LARS1: variants seen among roughly 807,000 people sequenced by gnomAD.
LARS1 encodes leucyl-tRNA synthetase 1.
LARS1 carries 100 observed loss-of-function variants against 162.8 expected under a neutral mutation model. That is an observed-to-expected ratio of 0.61 (90% CI 0.52 to 0.73). The LOEUF is 0.73. Ranked by LOEUF, LARS1 falls within the 30% of genes least tolerant of loss-of-function variation. The probability of loss-of-function intolerance (pLI) is 0.00; values close to 1 mark genes in which losing one functional copy is unlikely to be tolerated. For missense variants in LARS1, 1,258 were observed against 1,408.9 expected, an observed-to-expected ratio of 0.89 and a Z score of 1.71; for synonymous variants, 457 against 462.8, an observed-to-expected ratio of 0.99 and a Z score of 0.16.
chr5:146,153,690 G>A (rs932411867), intron 12 of LARS1, 44 bp downstream of exon 12: 4 of 1,492,146 alleles, frequency 2.7e-6, no homozygotes, highest in Non-Finnish European at 3.7e-6. Flanking sequence ...CCTAAGCAAT[G>A]AGATGGTGAG....
intron 18 of LARS1, among the ~76,000 whole-genome samples, chr5:146,143,795 T>A (rs987658460): frequency 6.6e-6 from 1 of 151,754 alleles, no homozygotes; most frequent in Non-Finnish European, 1.5e-5. Context: ...GGTCGGGAGT[T>A]CAAGACCAAA....
intron 10 of LARS1, among the ~76,000 whole-genome samples, chr5:146,156,003 A>C (rs1057191476): frequency 1.3e-5 from 2 of 152,248 alleles, no homozygotes; most frequent in African/African-American, 4.8e-5. Context: ...AAGAATAAAG[A>C]AGCTGTTTAT....
chr5:146,168,862 A>G (rs912792567), intron 4 of LARS1, among the ~76,000 whole-genome samples: 24 of 152,100 alleles, frequency 1.6e-4, no homozygotes, highest in African/African-American at 5.1e-4. Context: ...TGTAGGAAAC[A>G]TAATGTGTTA....
intron 14 of LARS1, 113 bp from the exon 15 acceptor site, chr5:146,149,812 G>C: frequency 1.4e-6 from 1 of 730,322 alleles, no homozygotes; most frequent in African/African-American, 1.8e-5. Context: ...AATATTTTTA[G>C]TATGAAATTT....
rs757067381 is a variant in LARS1, at chr5:146,144,319, T to C, written c.1686A>G (p.Glu562=). Residue 562 remains glutamate, a synonymous_variant, in exon 18 of 32, where the codon GAA becomes GAG. Coordinates refer to ENST00000394434, the MANE Select transcript of LARS1 (RefSeq NM_020117.11). ...TFCEETRRNF[E]ATLGWLQEHA... is the part of the protein sequence containing the mutation. ...GTTCTTGTAGCCAACCTAAGGTGGCTTCAAAATTCCTCCTGGTCTCCTCAC... is the reference window on the plus strand; with the variant it reads ...GTTCTTGTAGCCAACCTAAGGTGGCCTCAAAATTCCTCCTGGTCTCCTCAC... 4.9e-5 allele frequency: 79 copies of C among 1,613,612 alleles called. No individual in the cohort carries two copies. Among genetic ancestry groups the C allele is most frequent in the Non-Finnish European group, 6.7e-5 (79 of 1,179,912 alleles).
At position 146,153,800 on chromosome 5, in the gene LARS1, C is replaced by T. The variant is rs372673221; in HGVS notation, c.1164G>A (p.Val388=). 6.2e-7 allele frequency: 1 copy of T among 1,613,882 alleles called. No homozygotes were observed. Among genetic ancestry groups the T allele is most frequent in the Non-Finnish European group, 8.5e-7 (1 of 1,179,832 alleles). The change falls in exon 12 of 32, where the codon GTG becomes GTA. Residue 388 remains valine, a synonymous_variant. Transcript: ENST00000394434. Reference sequence around the variant, plus strand: ...GGGAGTCGGAAGGAACACTTGTAACCACACCAGTGCCTTAGAAAACAAAGT... The same window carrying T: ...GGGAGTCGGAAGGAACACTTGTAACTACACCAGTGCCTTAGAAAACAAAGT... ...LTIKEDKGTG[V]VTSVPSDSPD... is the part of the protein sequence containing the mutation.
chr5:146,167,999 T>G, intron 5 of LARS1, 129 bp downstream of exon 5: 1 of 776,030 alleles, frequency 1.3e-6, no homozygotes. Flanking sequence ...GATAATTTTT[T>G]GCTTTGATAC....
intron 21 of LARS1, among the ~76,000 whole-genome samples, chr5:146,139,196 A>G (rs1488446752): frequency 6.6e-6 from 1 of 151,918 alleles, no homozygotes. Flanking sequence ...AACAAAAATT[A>G]GCCGGGCATG....
chr5:146,165,861 A>C (rs1753982377), intron 5 of LARS1, among the ~76,000 whole-genome samples: 1 of 152,234 alleles, frequency 6.6e-6, no homozygotes, highest in Non-Finnish European at 1.5e-5. Context: ...TACTATAGGT[A>C]ATGAGAGCCA....
intron 23 of LARS1, chr5:146,132,358 G>A (rs10515564): frequency 0.22 from 33,883 of 151,870 alleles, 4,832 homozygotes; most frequent in Admixed American, 0.34. Context: ...AATTCTCCTT[G>A]TCTCTATTAT....
intron 29 of LARS1, among the ~76,000 whole-genome samples, chr5:146,123,430 G>A (rs1751914274): frequency 6.6e-6 from 1 of 151,814 alleles, no homozygotes. Context: ...TCCTGGATTG[G>A]GTAGAAAATT....
At chr5:146,152,571 T>C (rs979471634) in intron 13 of LARS1, among the ~76,000 whole-genome samples, 17 of 152,162 alleles carry the variant, frequency 1.1e-4, no homozygotes, top group African/African-American at 4.1e-4. Context: ...CACAGTTTCA[T>C]GCCAAAACCA....
intron 20 of LARS1, among the ~76,000 whole-genome samples, chr5:146,141,233 C>G (rs1453785978): frequency 6.6e-6 from 1 of 152,138 alleles, no homozygotes; most frequent in Non-Finnish European, 1.5e-5. Context: ...AGCTGGGTAG[C>G]TTTGGATTAT....
intron 2 of LARS1, among the ~76,000 whole-genome samples, chr5:146,176,384 G>C (rs1754574396): frequency 6.7e-6 from 1 of 149,424 alleles, no homozygotes; most frequent in African/African-American, 2.5e-5. Context: ...CCAGGGAGTT[G>C]GGGGTTGCAG....
Position 146,135,608 on chromosome 5 carries a change from T to C in LARS1, c.2205A>G (p.Ser735=), listed in dbSNP as rs769795171. ...AGAAAAATGTTTACTCACCATCTGC[T>C]GAAAATTTGTCAATAGCTTGGGTCA... ...LTLTQAIDKF[S]ADGMRLALAD... Residue 735 remains serine (S), a synonymous_variant, in exon 22 of 32, where the codon TCA becomes TCG. Transcript: ENST00000394434. The C allele has an allele frequency of 2.5e-6, 4 of 1,603,584 alleles. No homozygotes were observed. The African/African-American group carries it at 5.4e-5, about 22-fold the overall frequency.
intron 21 of LARS1, among the ~76,000 whole-genome samples, 160 bp downstream of exon 21, chr5:146,140,044 T>G (rs904190078): frequency 9.9e-5 from 15 of 152,028 alleles, no homozygotes; most frequent in African/African-American, 3.6e-4. Flanking sequence ...TGGCCTCAAG[T>G]GATCCTCCCA....
chr5:146,122,779 C>G (rs888186688), intron 29 of LARS1, among the ~76,000 whole-genome samples, 192 bp from the exon 30 acceptor site: 5 of 151,948 alleles, frequency 3.3e-5, no homozygotes, highest in Admixed American at 6.6e-5. Flanking sequence ...TTAGATGTCT[C>G]ATAGTATTGT....
intron 27 of LARS1, among the ~76,000 whole-genome samples, chr5:146,127,498 C>G (rs1293456817): frequency 6.6e-6 from 1 of 151,886 alleles, no homozygotes; most frequent in Non-Finnish European, 1.5e-5. Flanking sequence ...AATTATCTAG[C>G]AAATGAATAG....
intron 2 of LARS1, among the ~76,000 whole-genome samples, chr5:146,174,473 T>TCC: frequency 8.2e-5 from 1 of 12,176 alleles, no homozygotes; most frequent in Non-Finnish European, 1.7e-4. Flanking sequence ...TCCATATATA[T>TCC]ATATATATAT....
Sources: gnomAD v4.1 joint callset for allele counts (sites outside exome capture counted in the v4.1 genomes callset) on GRCh38, gnomAD v4.1.1 for gene constraint, MANE v1.5 for transcripts, NCBI Gene and HGNC (gene_info 2026-07-23, HGNC 2026-07-21) for gene names.